AGMO: variants seen among roughly 807,000 people sequenced by gnomAD.
AGMO encodes the protein glyceryl-ether monooxygenase.
A neutral mutation model predicts 60.2 loss-of-function variants in AGMO; 75 were observed. The observed-to-expected ratio is 1.25, with a 90% CI of 1.03 to 1.51. The LOEUF is 1.51. AGMO is among the 40% of genes most tolerant of loss of function. AGMO has a pLI of 0.00. For missense variants in AGMO, 763 were observed against 525.5 expected, an observed-to-expected ratio of 1.45 and a Z score of -4.42; for synonymous variants, 261 against 177.1, an observed-to-expected ratio of 1.47 and a Z score of -3.76.
At chr7:15,291,434 G>T (rs529885450) in intron 12 of AGMO, among the ~76,000 whole-genome samples, 1 of 152,056 alleles carries the variant, frequency 6.6e-6, no homozygotes, top group Non-Finnish European at 1.5e-5. Context: ...CCGGTATAGT[G>T]TTCTTCTTAA....
At chr7:15,251,936 A>G (rs1447600409) in intron 12 of AGMO, among the ~76,000 whole-genome samples, 1 of 152,160 alleles carries the variant, frequency 6.6e-6, no homozygotes, top group Non-Finnish European at 1.5e-5. Flanking sequence ...CCAAAATATA[A>G]TATGTTTACC....
intron 3 of AGMO, among the ~76,000 whole-genome samples, chr7:15,470,310 G>A (rs1448246567): frequency 6.6e-6 from 1 of 152,012 alleles, no homozygotes; most frequent in Non-Finnish European, 1.5e-5. Flanking sequence ...GTTTTTAGGA[G>A]TAAATAACAA....
intron 3 of AGMO, among the ~76,000 whole-genome samples, chr7:15,529,128 G>A (rs1171129143): frequency 1.3e-5 from 2 of 152,002 alleles, no homozygotes; most frequent in Non-Finnish European, 1.5e-5. Context: ...TTCTTAAAAT[G>A]CACTGACAAC....
chr7:15,493,362 C>CCCTT (rs71004386), intron 3 of AGMO, among the ~76,000 whole-genome samples: 1 of 102,262 alleles, frequency 9.8e-6, no homozygotes, highest in African/African-American at 4.0e-5. Context: ...CACACACACA[C>CCCTT]TTCTTTTTTT....
chr7:15,427,993 C>T (rs1432862474), intron 4 of AGMO, among the ~76,000 whole-genome samples: 2 of 152,162 alleles, frequency 1.3e-5, no homozygotes, highest in African/African-American at 2.4e-5. Flanking sequence ...TACTTAATTT[C>T]ACATTTCAAT....
chr7:15,383,110 T>C (rs909483549), intron 10 of AGMO, among the ~76,000 whole-genome samples: 2 of 152,044 alleles, frequency 1.3e-5, no homozygotes, highest in East Asian at 3.9e-4. Flanking sequence ...CATACATAGA[T>C]TCGTTCAGTG....
intron 10 of AGMO, among the ~76,000 whole-genome samples, chr7:15,378,833 C>CACAT (rs1167009834): frequency 6.6e-6 from 1 of 151,466 alleles, no homozygotes; most frequent in East Asian, 1.9e-4. Context: ...CGCTACATGA[C>CACAT]ACATAATCTA....
At chr7:15,427,984 A>ACTTAATTTCACATTTCAATGTGAGATGAG (rs1781117124) in intron 4 of AGMO, among the ~76,000 whole-genome samples, 1 of 146,768 alleles carries the variant, frequency 6.8e-6, no homozygotes, top group African/African-American at 2.5e-5. Flanking sequence ...GAAGAAATAT[A>ACTTAATTTCACATTTCAATGTGAGATGAG]CTTAATTTCA....
the AGMO span, among the ~76,000 whole-genome samples, chr7:15,125,247 C>T: frequency 3.3e-5 from 5 of 152,148 alleles, no homozygotes; most frequent in East Asian, 9.7e-4. Context: ...AACATTTAAT[C>T]AGAAGGCAAG....
intron 12 of AGMO, among the ~76,000 whole-genome samples, chr7:15,357,171 G>A (rs1415884271): frequency 1.4e-5 from 2 of 144,860 alleles, no homozygotes; most frequent in African/African-American, 5.2e-5. Flanking sequence ...AGTCAAAATT[G>A]CTCTATACTA....
At chr7:15,204,371 T>C (rs144301790) in intron 12 of AGMO, among the ~76,000 whole-genome samples, 161 of 152,320 alleles carry the variant, frequency 1.1e-3, no homozygotes, top group African/African-American at 3.6e-3. Flanking sequence ...CTTTACTTGA[T>C]AGTTCATTAA....
the AGMO span, among the ~76,000 whole-genome samples, chr7:15,131,987 C>A: frequency 6.6e-6 from 1 of 152,026 alleles, no homozygotes; most frequent in African/African-American, 2.4e-5. Flanking sequence ...GCTGGACTCA[C>A]AATTGTCCAA....
intron 4 of AGMO, among the ~76,000 whole-genome samples, chr7:15,426,761 T>C (rs1274528932): frequency 6.6e-6 from 1 of 152,014 alleles, no homozygotes; most frequent in African/African-American, 2.4e-5. Flanking sequence ...AAAAATTTTT[T>C]TTTTGGAAGG....
chr7:15,180,650 C>T, the AGMO span, among the ~76,000 whole-genome samples: 3 of 152,166 alleles, frequency 2.0e-5, no homozygotes, highest in African/African-American at 7.2e-5. Flanking sequence ...GCAATCTAGG[C>T]CTTGTCTAGT....
intron 3 of AGMO, among the ~76,000 whole-genome samples, chr7:15,513,053 A>T (rs550298778): frequency 6.6e-6 from 1 of 152,278 alleles, no homozygotes; most frequent in Non-Finnish European, 1.5e-5. Context: ...ATTTCCTTAA[A>T]GGTATTACAC....
At chr7:15,408,024 A>T (rs1784751223) in intron 5 of AGMO, among the ~76,000 whole-genome samples, 1 of 151,932 alleles carries the variant, frequency 6.6e-6, no homozygotes, top group African/African-American at 2.4e-5. Flanking sequence ...TCTTACTAGG[A>T]GGTAAAAGAA....
chr7:15,355,489 A>C (rs1030408803), intron 12 of AGMO, among the ~76,000 whole-genome samples: 1 of 127,242 alleles, frequency 7.9e-6, no homozygotes, highest in Non-Finnish European at 1.6e-5. Context: ...TGGACAACTG[A>C]GTGAGACTCT....
At chr7:15,370,231 A>G (rs1783149382) in intron 10 of AGMO, among the ~76,000 whole-genome samples, 1 of 152,188 alleles carries the variant, frequency 6.6e-6, no homozygotes, top group African/African-American at 2.4e-5. Context: ...AAAGGACATG[A>G]ATTCTTTTTC....
chr7:15,275,579 C>T (rs7801083), intron 12 of AGMO, among the ~76,000 whole-genome samples: 1 of 152,044 alleles, frequency 6.6e-6, no homozygotes, highest in Non-Finnish European at 1.5e-5. Context: ...CTACAGTCCC[C>T]TTTAAGGTTA....
Sources: gnomAD v4.1 joint callset for allele counts (sites outside exome capture counted in the v4.1 genomes callset) on GRCh38, gnomAD v4.1.1 for gene constraint, MANE v1.5 for transcripts, NCBI Gene and HGNC (gene_info 2026-07-23, HGNC 2026-07-21) for gene names.